The following VAX2 variants were observed in gnomAD, a reference collection of about 807,000 sequenced individuals.
VAX2 encodes the protein ventral anterior homeobox 2.
VAX2 carries 8 observed loss-of-function variants against 12.5 expected under a neutral mutation model. The ratio of observed to expected loss-of-function variants is 0.64; its 90% CI spans 0.37 to 1.15. VAX2 has a LOEUF of 1.15. Among genes scored for constraint, VAX2 ranks in the 50% most tolerant of loss-of-function variants. VAX2 has a pLI of 0.01. For synonymous variants in VAX2, 183 were observed against 187.6 expected (o/e 0.98, Z 0.20); for missense variants, 476 against 412.9 (o/e 1.15, Z -1.32).
At position 70,933,209 on chromosome 2, in the gene VAX2, C is replaced by A. The variant is rs368359306; in HGVS notation, c.*5C>A. 10 of 1,510,346 alleles carry A rather than the reference C, an allele frequency of 6.6e-6. No homozygotes were observed. The African/African-American group carries it at 1.4e-4, about 21-fold the overall frequency. 93.6% of individuals were successfully genotyped at this position (1,510,346 alleles called of 1,614,324 possible). On this transcript the variant is annotated 3_prime_UTR_variant, in exon 3 of 3. Coordinates refer to ENST00000234392, the MANE Select transcript of VAX2 (RefSeq NM_012476.3). ...TGCAAGAAAGCTAACACTTAAGACT[C>A]CCACCCTGTGACACTGAGTCCCGAG...
intron 1 of VAX2, among the ~76,000 whole-genome samples, chr2:70,913,716 T>A: frequency 7.2e-6 from 1 of 138,196 alleles, no homozygotes. Flanking sequence ...AATAAATAAA[T>A]AAATAACTTT....
chr2:70,902,620 C>T (rs1381626630), intron 1 of VAX2, among the ~76,000 whole-genome samples: 3 of 152,208 alleles, frequency 2.0e-5, no homozygotes, highest in African/African-American at 7.2e-5. Context: ...ATTGTGAGTT[C>T]TGTGCCCACC....
intron 1 of VAX2, among the ~76,000 whole-genome samples, chr2:70,909,982 T>G (rs1359353080): frequency 1.3e-5 from 2 of 151,874 alleles, no homozygotes; most frequent in African/African-American, 4.8e-5. Context: ...GAACAAATGG[T>G]TTTTTTTAAA....
Position 70,932,960 on chromosome 2 carries a change from T to C in VAX2, c.629T>C (p.Leu210Pro), listed in dbSNP as rs2234498. 4.5e-4 allele frequency: 718 copies of C among 1,611,584 alleles called. 3 individuals are homozygous for C. The African/African-American group carries it at 8.9e-3, about 20-fold the overall frequency. Residue 210 changes from leucine (L) to proline (P), a missense_variant, in exon 3 of 3, where the codon CTA (leucine) becomes CCA (proline). By Grantham distance (98) the Leu-to-Pro change is moderately conservative. Coordinates refer to ENST00000234392, the MANE Select transcript of VAX2 (RefSeq NM_012476.3). ...GCGCTGACCCCTAGCCTGCCAGGCC[T>C]ACCTGCCAGCCACAGGGGCACCTCC... ...LLALTPSLPG[L>P]PASHRGTSLG...
intron 1 of VAX2, among the ~76,000 whole-genome samples, chr2:70,906,151 C>A (rs140467004): frequency 6.6e-6 from 1 of 152,238 alleles, no homozygotes; most frequent in South Asian, 2.1e-4. Context: ...AAGACACCAA[C>A]GCTGCATGGG....
intron 1 of VAX2, among the ~76,000 whole-genome samples, chr2:70,912,577 G>A (rs923832672): frequency 4.6e-5 from 7 of 152,142 alleles, no homozygotes; most frequent in African/African-American, 1.4e-4. Context: ...GAGGAGAATC[G>A]CTTGAACCCG....
At chr2:70,921,489 A>G (rs966146297) in intron 2 of VAX2, among the ~76,000 whole-genome samples, 1 of 152,160 alleles carries the variant, frequency 6.6e-6, no homozygotes, top group African/African-American at 2.4e-5. Flanking sequence ...GGAAATGCCA[A>G]TGGGGGCCTT....
intron 1 of VAX2, among the ~76,000 whole-genome samples, chr2:70,912,617 A>C (rs1553411368): frequency 6.6e-6 from 1 of 152,162 alleles, no homozygotes; most frequent in African/African-American, 2.4e-5. Flanking sequence ...AGCTGAGATC[A>C]CGCCGTTGCA....
chr2:70,927,132 T>C (rs1679591629), intron 2 of VAX2, among the ~76,000 whole-genome samples: 1 of 152,180 alleles, frequency 6.6e-6, no homozygotes, highest in South Asian at 2.1e-4. Flanking sequence ...TTTTTGTTTT[T>C]TCAGCACCTG....
chr2:70,911,873 G>A (rs1330409981), intron 1 of VAX2, among the ~76,000 whole-genome samples: 1 of 152,120 alleles, frequency 6.6e-6, no homozygotes, highest in Non-Finnish European at 1.5e-5. Context: ...CTCTTACCCT[G>A]CAGATGCGTT....
chr2:70,912,190 C>T (rs1558655720), intron 1 of VAX2, among the ~76,000 whole-genome samples: 1 of 152,164 alleles, frequency 6.6e-6, no homozygotes, highest in East Asian at 1.9e-4. Context: ...AGATTTGTAA[C>T]ATATTTGCTG....
rs564280984 is a variant in VAX2, at chr2:70,918,925, C to T, written c.248-2173C>T. ...TAGACATAAAGTAAAATGATGGAGG[C>T]GGGCGCAGTGGTTCATGCCTGTAAT... On this transcript the variant is annotated intron_variant, in intron 1 of 2. Coordinates refer to ENST00000234392, the MANE Select transcript of VAX2 (RefSeq NM_012476.3). Among the ~76,000 whole-genome samples, 7 of 143,284 alleles carry T rather than the reference C, an allele frequency of 4.9e-5. 1 individual carries two copies. The South Asian group carries it at 1.1e-3, about 23-fold the overall frequency. The allele number at this position is 143,284 out of a possible 152,430, so 94.0% of individuals were successfully genotyped here.
In VAX2 at chr2:70,908,624, A is replaced by C. The variant is rs145576491; in HGVS notation, c.247+7756A>C. On this transcript the variant is annotated intron_variant, in intron 1 of 2. Coordinates refer to ENST00000234392, the MANE Select transcript of VAX2 (RefSeq NM_012476.3). Reference sequence around the variant, plus strand: ...TTATATGTAATCCTGAAATAAATAAACTTGTTTCTTAGTCATTTCCACATG... The same window carrying C: ...TTATATGTAATCCTGAAATAAATAACCTTGTTTCTTAGTCATTTCCACATG... 3.2e-3 allele frequency among the ~76,000 whole-genome samples: 480 copies of C among 152,338 alleles called. 4 individuals carry two copies. Among genetic ancestry groups the C allele is most frequent in the African/African-American group, 0.011 (459 of 41,572 alleles).
At chr2:70,908,183 T>G (rs1679101027) in intron 1 of VAX2, among the ~76,000 whole-genome samples, 1 of 152,238 alleles carries the variant, frequency 6.6e-6, no homozygotes, top group Non-Finnish European at 1.5e-5. Flanking sequence ...AATTGTAAAA[T>G]AGATAATTAA....
chr2:70,927,974 C>T (rs1014199593), intron 2 of VAX2, among the ~76,000 whole-genome samples: 7 of 152,132 alleles, frequency 4.6e-5, no homozygotes, highest in South Asian at 2.1e-4. Context: ...GTGCTGGCCC[C>T]GCCACCCTGT....
rs544708536 is a variant in VAX2, at chr2:70,908,395, T to C, written c.247+7527T>C. The stretch of plus-strand genomic sequence containing the variant: ...GGTTCAAGGACTTTCTAATATGTCC[T>C]TCCAGATAATGTTTATGCCTATGGA... On this transcript the variant is annotated intron_variant, in intron 1 of 2. Coordinates refer to ENST00000234392, the MANE Select transcript of VAX2 (RefSeq NM_012476.3). Among the ~76,000 whole-genome samples the C allele has an allele frequency of 2.6e-5, 4 of 152,342 alleles. No individual in the cohort carries two copies. The South Asian group carries it at 8.3e-4, about 32-fold the overall frequency.
chr2:70,929,630 T>C (rs978130146), intron 2 of VAX2, among the ~76,000 whole-genome samples: 1 of 147,512 alleles, frequency 6.8e-6, no homozygotes, highest in African/African-American at 2.6e-5. Context: ...GAAGTTGCAG[T>C]GAGCCGAGAT....
intron 2 of VAX2, among the ~76,000 whole-genome samples, chr2:70,921,785 G>T (rs567718884): frequency 4.0e-5 from 6 of 151,832 alleles, no homozygotes; most frequent in Non-Finnish European, 8.8e-5. Context: ...GGAAAGGAGG[G>T]GTCTGCACAC....
At chr2:70,901,608 C>A (rs759224278) in intron 1 of VAX2, among the ~76,000 whole-genome samples, 1 of 152,248 alleles carries the variant, frequency 6.6e-6, no homozygotes, top group Non-Finnish European at 1.5e-5. Context: ...CTTCTTCCTG[C>A]AAGCTCCTCC....
Sources: allele counts gnomAD v4.1 joint callset (sites outside exome capture counted in the v4.1 genomes callset), GRCh38; gene constraint gnomAD v4.1.1; transcripts MANE v1.5; gene names NCBI Gene and HGNC (gene_info 2026-07-23, HGNC 2026-07-21).